Variants in DTNA observed in about 807,000 individuals in gnomAD.
DTNA encodes dystrophin-related protein 3.
Under a neutral mutation model 100.7 loss-of-function variants are expected in DTNA, and 43 were observed. The observed-to-expected ratio is 0.43, with a 90% confidence interval of 0.33 to 0.55. The LOEUF (loss-of-function observed/expected upper bound fraction) is 0.55. Ranked by LOEUF, DTNA falls within the 20% of genes least tolerant of loss-of-function variation. DTNA has a pLI of 0.04. For synonymous variants in DTNA, 349 were observed against 347.9 expected (o/e 1.00, Z -0.04); for missense variants, 798 against 953.9 (o/e 0.84, Z 2.15).
intron 1 of DTNA, among the ~76,000 whole-genome samples, chr18:34,634,287 G>A (rs1446118084): frequency 2.6e-5 from 4 of 151,980 alleles, no homozygotes; most frequent in Admixed American, 1.3e-4. Flanking sequence ...AAAGGACTTC[G>A]TTTGTACAGG....
chr18:34,577,976 G>A (rs1038478817), intron 1 of DTNA, among the ~76,000 whole-genome samples: 2 of 149,116 alleles, frequency 1.3e-5, no homozygotes, highest in East Asian at 2.0e-4. Context: ...CCTCTGGGTA[G>A]ATACCCAGTA....
chr18:34,833,989 T>A (rs2096074948), intron 11 of DTNA, among the ~76,000 whole-genome samples: 1 of 152,224 alleles, frequency 6.6e-6, no homozygotes, highest in African/African-American at 2.4e-5. Flanking sequence ...TAGGTTCCAT[T>A]GTACCTGATC....
chr18:34,874,846 G>T (rs909173640), intron 17 of DTNA, among the ~76,000 whole-genome samples: 7 of 152,178 alleles, frequency 4.6e-5, no homozygotes, highest in Non-Finnish European at 8.8e-5. Context: ...AGCATCCATT[G>T]CAAATAGTCT....
chr18:34,635,792 A>G (rs1411149211), intron 1 of DTNA, among the ~76,000 whole-genome samples: 4 of 152,176 alleles, frequency 2.6e-5, no homozygotes, highest in Non-Finnish European at 5.9e-5. Flanking sequence ...ATGCTCATGG[A>G]GACAAAGGCA....
intron 15 of DTNA, among the ~76,000 whole-genome samples, chr18:34,852,950 G>A (rs112144890): frequency 0.013 from 2,045 of 152,200 alleles, 31 homozygotes; most frequent in African/African-American, 0.047. Context: ...TTGTTTCTTC[G>A]TTTATTGTCT....
chr18:34,546,618 A>G (rs1390729232), intron 1 of DTNA, among the ~76,000 whole-genome samples: 1 of 152,136 alleles, frequency 6.6e-6, no homozygotes, highest in Non-Finnish European at 1.5e-5. Flanking sequence ...ACAAACACCA[A>G]GTCATCAACC....
In DTNA at chr18:34,888,701, A is replaced by G. The variant is rs1386503848; in HGVS notation, c.*967A>G. ...GCCATAAGATCCCCAAACGGACTAA[A>G]GTTATCTCTGCTCTTCCATGGTCTT... On this transcript the variant is annotated 3_prime_UTR_variant, in exon 23 of 23. Transcript: ENST00000444659. The G allele has an allele frequency of 4.1e-6, 4 of 985,750 alleles. No individual in the cohort carries two copies. Among genetic ancestry groups the G allele is most frequent in the Non-Finnish European group, 4.8e-6 (4 of 829,948 alleles). The allele number at this position is 985,750 out of a possible 1,614,324, so 61.1% of individuals were successfully genotyped here.
intron 3 of DTNA, among the ~76,000 whole-genome samples, chr18:34,768,577 G>T (rs1432517297): frequency 6.6e-6 from 1 of 152,040 alleles, no homozygotes; most frequent in Non-Finnish European, 1.5e-5. Flanking sequence ...TTCTTTTCTG[G>T]TCCACATCCT....
intron 5 of DTNA, among the ~76,000 whole-genome samples, chr18:34,806,873 T>A (rs2095373344): frequency 6.6e-6 from 1 of 152,214 alleles, no homozygotes; most frequent in East Asian, 1.9e-4. Flanking sequence ...GAACATTTTG[T>A]CTCTAAATAT....
chr18:34,791,039 A>G, intron 3 of DTNA, among the ~76,000 whole-genome samples: 1 of 152,008 alleles, frequency 6.6e-6, no homozygotes, highest in South Asian at 2.1e-4. Flanking sequence ...TGGGCTGCTC[A>G]CCCTGAGGCT....
intron 22 of DTNA, among the ~76,000 whole-genome samples, chr18:34,885,873 A>G (rs2096917055): frequency 6.6e-6 from 1 of 152,216 alleles, no homozygotes; most frequent in Non-Finnish European, 1.5e-5. Flanking sequence ...TTCTACTTTT[A>G]TAAACAAGGC....
intron 1 of DTNA, among the ~76,000 whole-genome samples, chr18:34,530,428 A>G (rs1256124075): frequency 2.0e-5 from 3 of 151,992 alleles, no homozygotes; most frequent in Admixed American, 2.0e-4. Context: ...TCATGAGCTT[A>G]TGGTGTGTTC....
intron 20 of DTNA, among the ~76,000 whole-genome samples, chr18:34,881,597 G>A (rs1312312673): frequency 1.3e-5 from 2 of 152,096 alleles, no homozygotes; most frequent in East Asian, 3.9e-4. Context: ...GCATGTATGT[G>A]CGTATGTGTA....
chr18:34,878,287 T>G (rs2096838790), intron 19 of DTNA, among the ~76,000 whole-genome samples: 1 of 152,250 alleles, frequency 6.6e-6, no homozygotes, highest in Non-Finnish European at 1.5e-5. Context: ...TTAAGTAATG[T>G]TTATATTTTG....
At chr18:34,865,916 T>C (rs1469990647) in intron 17 of DTNA, among the ~76,000 whole-genome samples, 1 of 152,210 alleles carries the variant, frequency 6.6e-6, no homozygotes, top group Non-Finnish European at 1.5e-5. Context: ...TGGTTGTACA[T>C]GCAGAGAAAA....
At chr18:34,855,762 T>C (rs1170684364) in intron 15 of DTNA, among the ~76,000 whole-genome samples, 2 of 152,140 alleles carry the variant, frequency 1.3e-5, no homozygotes, top group African/African-American at 2.4e-5. Flanking sequence ...TAACAGAAAT[T>C]CACAAGCCCA....
intron 18 of DTNA, 141 bp from the exon 19 acceptor site, chr18:34,877,578 A>G: frequency 1.5e-6 from 1 of 662,090 alleles, no homozygotes; most frequent in Non-Finnish European, 2.6e-6. Context: ...GTTTCAGGAA[A>G]TGAACTAAAG....
chr18:34,781,873 G>T (rs1267241506), intron 3 of DTNA, among the ~76,000 whole-genome samples: 3 of 151,896 alleles, frequency 2.0e-5, no homozygotes, highest in Non-Finnish European at 4.4e-5. Context: ...AGTTTATGTT[G>T]GCCAGATGGG....
chr18:34,533,296 C>T (rs994445324), intron 1 of DTNA, among the ~76,000 whole-genome samples: 3 of 150,398 alleles, frequency 2.0e-5, no homozygotes, highest in East Asian at 3.9e-4. Flanking sequence ...CACTTGAACC[C>T]GGGAGGCGAG....
Sources: gnomAD v4.1 joint callset for allele counts (sites outside exome capture counted in the v4.1 genomes callset) on GRCh38, gnomAD v4.1.1 for gene constraint, MANE v1.5 for transcripts, NCBI Gene and HGNC (gene_info 2026-07-23, HGNC 2026-07-21) for gene names.